The following BMP7 variants were observed in gnomAD, a reference collection of about 807,000 sequenced individuals.
The protein encoded by BMP7 is bone morphogenetic protein 7.
BMP7 carries 12 observed loss-of-function variants against 41.2 expected under a neutral mutation model. The ratio of observed to expected loss-of-function variants is 0.29; its 90% CI spans 0.19 to 0.47. BMP7 has a LOEUF of 0.47. BMP7 is among the 20% of genes least tolerant of loss of function. BMP7 has a pLI of 0.99. For synonymous variants in BMP7, 248 were observed against 250.0 expected (o/e 0.99, Z 0.07); for missense variants, 467 against 606.0 (o/e 0.77, Z 2.41).
chr20:57,201,641 T>A (rs1234325625), intron 3 of BMP7, among the ~76,000 whole-genome samples: 2 of 152,238 alleles, frequency 1.3e-5, no homozygotes, highest in Admixed American at 1.3e-4. Context: ...AGGTGTTTAT[T>A]CAAAAATAAA....
At chr20:57,234,561 C>T (rs1486512651) in intron 1 of BMP7, among the ~76,000 whole-genome samples, 1 of 152,206 alleles carries the variant, frequency 6.6e-6, no homozygotes, top group Non-Finnish European at 1.5e-5. Context: ...AGACTGCTGC[C>T]TGACTGCAAC....
rs1983795466 is a variant in BMP7, at chr20:57,170,663, G to A, written c.*296C>T. On this transcript the variant is annotated 3_prime_UTR_variant, in exon 7 of 7. Transcript: ENST00000395863. ...TACCTCTGGAAACGAGTCCGTGCAT[G>A]GCTGAGACTTCCCAGCCAATGACCT... The A allele has an allele frequency of 1.0e-5, 4 of 395,066 alleles. No individual in the cohort carries two copies. Among genetic ancestry groups the A allele is most frequent in the South Asian group, 8.5e-5 (4 of 46,878 alleles). The allele number at this position is 395,066 out of a possible 1,614,324, so 24.5% of individuals were successfully genotyped here.
chr20:57,169,563 C>G lies in BMP7; in HGVS notation c.*1396G>C, dbSNP rs1983768558. The stretch of plus-strand genomic sequence containing the variant: ...CATCAGACCTCCTATTATGCCATCT[C>G]CCCCTTAATTCAAGGAGCAAATTTG... On this transcript the variant is annotated 3_prime_UTR_variant, in exon 7 of 7. Transcript: ENST00000395863. 3 of 152,216 alleles carry G rather than the reference C, an allele frequency of 2.0e-5. No homozygotes were observed. The highest frequency in any genetic ancestry group is 1.3e-4 in the Admixed American group (2 of 15,284). The allele number at this position is 152,216 out of a possible 1,614,324, so 9.4% of individuals were successfully genotyped here.
rs1369333690 is a variant in BMP7 at position 57,214,115 on chromosome 20, G to A, written c.612-11492C>T. On this transcript the variant is annotated intron_variant, in intron 2 of 6. Coordinates refer to ENST00000395863, the MANE Select transcript of BMP7 (RefSeq NM_001719.3). This position sits in a 1 kb window ranked among gnomAD's most constrained non-coding sequence, Gnocchi z 4.0. ...CCTCTGAACCGTATGGTACCTGAGAGGCGAGCACTGTTGTCCCCTCTCACA... is the reference window on the plus strand; with the variant it reads ...CCTCTGAACCGTATGGTACCTGAGAAGCGAGCACTGTTGTCCCCTCTCACA... Among the ~76,000 whole-genome samples the A allele has an allele frequency of 6.6e-6, 1 of 152,172 alleles. No individual in the cohort carries two copies. Among genetic ancestry groups the A allele is most frequent in the African/African-American group, 2.4e-5 (1 of 41,438 alleles).
At position 57,171,247 on chromosome 20, in the gene BMP7, G is replaced by A; in HGVS notation, c.1147-139C>T. The A allele has an allele frequency of 1.6e-6, 2 of 1,236,176 alleles. No homozygotes were observed. The highest frequency in any genetic ancestry group is 2.5e-5 in the East Asian group (1 of 39,954). The allele number at this position is 1,236,176 out of a possible 1,614,324, so 76.6% of individuals were successfully genotyped here. On this transcript the variant is annotated intron_variant, in intron 6 of 6. Coordinates refer to ENST00000395863, the MANE Select transcript of BMP7 (RefSeq NM_001719.3). This position sits in a 1 kb window ranked among gnomAD's most constrained non-coding sequence, Gnocchi z 4.5. ...ACACTCCCCAAGCCAAGCACTCCCT[G>A]TTCTAAGCACTTTACATGGACAACT... is the stretch of plus-strand genomic sequence containing the variant.
chr20:57,172,756 A>AATGG (rs1465564063), intron 6 of BMP7, among the ~76,000 whole-genome samples: 2 of 152,132 alleles, frequency 1.3e-5, no homozygotes, highest in African/African-American at 4.8e-5. Flanking sequence ...TTTAACTTGA[A>AATGG]ATGGCCCCAT....
At chr20:57,187,693 G>C (rs975987750) in intron 3 of BMP7, among the ~76,000 whole-genome samples, 2 of 152,160 alleles carry the variant, frequency 1.3e-5, no homozygotes, top group Non-Finnish European at 2.9e-5. Flanking sequence ...GCAGAACAGA[G>C]ACCGGGTCTC....
At chr20:57,258,997 C>A (rs2066144203) in intron 1 of BMP7, among the ~76,000 whole-genome samples, 1 of 152,148 alleles carries the variant, frequency 6.6e-6, no homozygotes, top group Admixed American at 6.5e-5. Flanking sequence ...GGAAGAGATT[C>A]TCTTGTAGCC....
intron 3 of BMP7, among the ~76,000 whole-genome samples, chr20:57,198,224 C>CCTCCTCTCCT (rs1984548597): frequency 6.8e-6 from 1 of 147,120 alleles, no homozygotes; most frequent in Non-Finnish European, 1.5e-5. Flanking sequence ...TCTCCTCTCC[C>CCTCCTCTCCT]CTCCTCTCCT....
At chr20:57,222,467 T>C (rs1326334342) in intron 2 of BMP7, among the ~76,000 whole-genome samples, 1 of 151,944 alleles carries the variant, frequency 6.6e-6, no homozygotes, top group Non-Finnish European at 1.5e-5. Flanking sequence ...TCCAGAGGGA[T>C]CCTTGCAGAT....
At chr20:57,257,493 A>G (rs2066138318) in intron 1 of BMP7, among the ~76,000 whole-genome samples, 1 of 152,142 alleles carries the variant, frequency 6.6e-6, no homozygotes, top group Non-Finnish European at 1.5e-5. Flanking sequence ...AAAATTTTGT[A>G]TTGCTTTTAG....
intron 1 of BMP7, among the ~76,000 whole-genome samples, chr20:57,249,527 T>A (rs1209016879): frequency 6.6e-6 from 1 of 152,118 alleles, no homozygotes; most frequent in African/African-American, 2.4e-5. Flanking sequence ...GATGCAGGGG[T>A]GACTGCATCG....
At chr20:57,262,311 C>A (rs969546001) in intron 1 of BMP7, among the ~76,000 whole-genome samples, 2 of 152,154 alleles carry the variant, frequency 1.3e-5, no homozygotes, top group Non-Finnish European at 2.9e-5. Flanking sequence ...AACCAGTTTA[C>A]AAATCTTGCC....
At position 57,191,853 on chromosome 20, in the gene BMP7, A is replaced by G. The variant is rs905344046; in HGVS notation, c.761-7934T>C. Among the ~76,000 whole-genome samples, 5 of 140,200 alleles carry G rather than the reference A, an allele frequency of 3.6e-5. No homozygotes were observed. The East Asian group carries it at 6.1e-4, about 17-fold the overall frequency. The allele number at this position is 140,200 out of a possible 152,430, so 92.0% of individuals were successfully genotyped here. A position where few individuals can be genotyped will look rare whatever the true frequency, so the allele number is the denominator to read the frequency against. ...TATACATATTTTATATATTATAGAT[A>G]TAAAATATACATATACTATATATTA... On this transcript the variant is annotated intron_variant, in intron 3 of 6. Transcript: ENST00000395863.
At chr20:57,256,860 C>T (rs2066136115) in intron 1 of BMP7, among the ~76,000 whole-genome samples, 1 of 151,780 alleles carries the variant, frequency 6.6e-6, no homozygotes, top group Admixed American at 6.6e-5. Flanking sequence ...TGCACTCCAG[C>T]CTGGGCAACA....
At chr20:57,237,109 C>T (rs576189377) in intron 1 of BMP7, among the ~76,000 whole-genome samples, 49 of 152,314 alleles carry the variant, frequency 3.2e-4, no homozygotes, top group South Asian at 1.9e-3. Context: ...CATTAGAATT[C>T]CATGTTCCTC....
intron 1 of BMP7, among the ~76,000 whole-genome samples, chr20:57,233,526 A>G (rs1364291933): frequency 2.6e-5 from 4 of 152,252 alleles, no homozygotes; most frequent in African/African-American, 9.6e-5. Context: ...CCAGGTAGGA[A>G]CAAGAAGCTG....
At chr20:57,173,754 T>G (rs1983862925) in intron 5 of BMP7, among the ~76,000 whole-genome samples, 2 of 152,114 alleles carry the variant, frequency 1.3e-5, no homozygotes, top group South Asian at 4.1e-4. Context: ...GCCTCCGGTG[T>G]GAGGCAATCA....
At position 57,228,167 on chromosome 20, in the gene BMP7, C is replaced by A. The variant is rs2066014828; in HGVS notation, c.611+62G>T. ...CTGACCCATCCTCTGGCCCTCACCA[C>A]CTTCTTCCTCTGCCCCCAGAGGAAA... On this transcript the variant is annotated intron_variant, in intron 2 of 6. Transcript: ENST00000395863. This position sits in a 1 kb window ranked among gnomAD's most constrained non-coding sequence, Gnocchi z 4.5. 1.3e-6 allele frequency: 2 copies of A among 1,576,352 alleles called. No individual in the cohort carries two copies. Among genetic ancestry groups the A allele is most frequent in the East Asian group, 4.5e-5 (2 of 44,706 alleles).
Sources: allele counts gnomAD v4.1 joint callset (sites outside exome capture counted in the v4.1 genomes callset), GRCh38; gene constraint gnomAD v4.1.1; non-coding constraint Gnocchi (gnomAD v3.1); transcripts MANE v1.5; gene names NCBI Gene and HGNC (gene_info 2026-07-23, HGNC 2026-07-21).